PIGQ: variants seen among roughly 807,000 people sequenced by gnomAD.
The protein encoded by PIGQ is phosphatidylinositol glycan anchor biosynthesis class Q.
PIGQ carries 54 observed loss-of-function variants against 60.3 expected under a neutral mutation model. That is an observed-to-expected ratio of 0.90 (90% CI 0.72 to 1.12). The LOEUF is 1.12. Among genes scored for constraint, PIGQ ranks in the 50% most tolerant of loss-of-function variants. The pLI is 0.00. For missense variants in PIGQ, 799 were observed against 793.5 expected (o/e 1.01, Z -0.08); for synonymous variants, 416 against 363.7 (o/e 1.14, Z -1.64).
In PIGQ at chr16:583,547, G is replaced by A; in HGVS notation, c.*512G>A. On this transcript the variant is annotated 3_prime_UTR_variant, in exon 11 of 11. Transcript: ENST00000321878. ...CATCTGGGGGATTGAAGCAGTCGCTGACCCCCGTCCCCAGCGGGCCCGGGC... is the reference window on the plus strand; with the variant it reads ...CATCTGGGGGATTGAAGCAGTCGCTAACCCCCGTCCCCAGCGGGCCCGGGC... 6.2e-7 allele frequency: 1 copy of A among 1,612,440 alleles called. No individual in the cohort carries two copies. Among genetic ancestry groups the A allele is most frequent in the Non-Finnish European group, 8.5e-7 (1 of 1,179,664 alleles).
chr16:575,437 C>T (rs1447343184), intron 2 of PIGQ, among the ~76,000 whole-genome samples: 1 of 152,178 alleles, frequency 6.6e-6, no homozygotes, highest in African/African-American at 2.4e-5. Flanking sequence ...GCCTTAGACC[C>T]GGGGGTGCAT....
chr16:581,185 C>G, intron 9 of PIGQ: 2 of 1,438,126 alleles, frequency 1.4e-6, no homozygotes, highest in Non-Finnish European at 9.2e-7. Flanking sequence ...CTCAGAGACT[C>G]ACCTGCCGCG....
chr16:583,657 G>A lies in PIGQ; in HGVS notation c.*622G>A, dbSNP rs1433726878. The A allele has an allele frequency of 9.7e-5, 156 of 1,611,252 alleles. No individual in the cohort carries two copies. The highest frequency in any genetic ancestry group is 1.3e-4 in the Non-Finnish European group (154 of 1,179,466). On this transcript the variant is annotated 3_prime_UTR_variant, in exon 11 of 11. Transcript: ENST00000321878. ...TGAAGAAACCATCAGCAGGCTGTGA[G>A]CATCGCCAGGCTGCTGTGGGGGCGG...
chr16:582,507 C>T (rs986757111), intron 10 of PIGQ, 198 bp downstream of exon 10: 16 of 586,540 alleles, frequency 2.7e-5, no homozygotes, highest in South Asian at 2.0e-4. Flanking sequence ...TGGTGTGGTC[C>T]TGTGGATGGG....
At position 574,711 on chromosome 16, in the gene PIGQ, T is replaced by TGTCTGATGTTGGCCA. The variant is rs1567175070; in HGVS notation, c.638_639insTCTGATGTTGGCCAG (p.Leu214_Leu215insMetLeuAlaSerLeu). On this transcript the variant is annotated inframe_insertion, in exon 2 of 11. Coordinates refer to ENST00000321878, the MANE Select transcript of PIGQ (RefSeq NM_004204.5). ...GGCCAGGCGAGCCTCGGGACCCATT[T>TGTCTGATGTTGGCCA]GCCTGCTGTTGGCCAGCCTGCTGTC... 5.0e-6 allele frequency: 8 copies of TGTCTGATGTTGGCCA among 1,594,948 alleles called. No individual in the cohort carries two copies. The highest frequency in any genetic ancestry group is 6.8e-6 in the Non-Finnish European group (8 of 1,174,374).
chr16:576,575 G>A (rs756571512), intron 4 of PIGQ: 6 of 515,900 alleles, frequency 1.2e-5, no homozygotes, highest in African/African-American at 7.7e-5. Flanking sequence ...TGAGATCAGC[G>A]TTGCCCTCCT....
intron 1 of PIGQ, among the ~76,000 whole-genome samples, chr16:573,781 G>A (rs1467775859): frequency 6.6e-6 from 1 of 152,178 alleles, no homozygotes; most frequent in Non-Finnish European, 1.5e-5. Flanking sequence ...CTGGAAATGG[G>A]AGGGCAGGCC....
At position 574,173 on chromosome 16, in the gene PIGQ, G is replaced by A. The variant is rs1352012268; in HGVS notation, c.99G>A (p.Leu33=). The change falls in exon 2 of 11, where the codon CTG becomes CTA. Residue 33 remains leucine, a synonymous_variant. Coordinates refer to ENST00000321878, the MANE Select transcript of PIGQ (RefSeq NM_004204.5). ...CGGAGCAGAGCAGCGCCGTGGTCCT[G>A]GCGGTCCTGCACTTTCCCTTCATCC... is the stretch of plus-strand genomic sequence containing the variant. ...WVPEQSSAVV[L]AVLHFPFIPI... 1 of 1,612,608 alleles carries A rather than the reference G, an allele frequency of 6.2e-7. No individual in the cohort carries two copies. The highest frequency in any genetic ancestry group is 1.1e-5 in the South Asian group (1 of 91,072).
In PIGQ at chr16:578,839, T is replaced by C. The variant is rs765172492; in HGVS notation, c.1124T>C (p.Leu375Pro). The change falls in exon 6 of 11, where the codon CTC becomes CCC. Residue 375 changes from leucine to proline, a missense_variant. Transcript: ENST00000321878. ...GAGCACATCCTTTGGCACGTGGGCC[T>C]CTCGGCCTGCCTGGGCCTGACGGTG... ...FVEHILWHVG[L>P]SACLGLTVAL... 1 of 1,613,802 alleles carries C rather than the reference T, an allele frequency of 6.2e-7. No individual in the cohort carries two copies. Among genetic ancestry groups the C allele is most frequent in the Non-Finnish European group, 8.5e-7 (1 of 1,179,962 alleles).
chr16:572,420 G>A (rs1326369648), intron 1 of PIGQ: 3 of 431,502 alleles, frequency 7.0e-6, no homozygotes, highest in Non-Finnish European at 1.4e-5. Context: ...GCTGCCTGCA[G>A]GGGAGGAGAG....
Position 579,184 on chromosome 16 carries a change from T to G in PIGQ, c.1335+4T>G. 1 of 1,609,416 alleles carries G rather than the reference T, an allele frequency of 6.2e-7. No individual in the cohort carries two copies. Among genetic ancestry groups the G allele is most frequent in the East Asian group, 2.2e-5 (1 of 44,798 alleles). ...CTGTTCCTATGACCTGGACCAGGTA[T>G]GGGGCAGGGTTCGTGGCTGGAGGGG... On this transcript the variant is annotated splice_donor_region_variant and intron_variant, in intron 7 of 10. Transcript: ENST00000321878.
rs1288071771 is a variant in PIGQ at position 579,087 on chromosome 16, C to T, written c.1242C>T (p.Ile414=). The T allele has an allele frequency of 1.2e-6, 2 of 1,612,528 alleles. No homozygotes were observed. The highest frequency in any genetic ancestry group is 1.7e-6 in the Non-Finnish European group (2 of 1,179,712). The change falls in exon 7 of 11, where the codon ATC becomes ATT. Residue 414 remains isoleucine (I), a synonymous_variant. Transcript: ENST00000321878. ...VYGARLYCLK[I]HGLSSLWRLF... ...CCTGTAGGCTGTACTGCCTGAAGAT[C>T]CATGGCCTGTCCTCACTGTGGCGTC...
In PIGQ at chr16:578,428, C is replaced by T; in HGVS notation, c.992C>T (p.Pro331Leu). The change falls in exon 5 of 11, where the codon CCC (proline) becomes CTC (leucine). Residue 331 changes from proline to leucine, a missense_variant. Coordinates refer to ENST00000321878, the MANE Select transcript of PIGQ (RefSeq NM_004204.5). The stretch of plus-strand genomic sequence containing the variant: ...CTGCTGCAGTGGCTGATGGGTGCTC[C>T]CGCCGGGCTCAAGATGAACCGTGCA... ...QHLLQWLMGA[P>L]AGLKMNRALD... is the part of the protein sequence containing the mutation. 2 of 1,612,420 alleles carry T rather than the reference C, an allele frequency of 1.2e-6. No homozygotes were observed. The highest frequency in any genetic ancestry group is 1.7e-6 in the Non-Finnish European group (2 of 1,179,814).
intron 1 of PIGQ, among the ~76,000 whole-genome samples, chr16:573,450 C>T (rs1247573184): frequency 1.3e-5 from 2 of 152,190 alleles, no homozygotes; most frequent in African/African-American, 4.8e-5. Context: ...AGCAACGAGG[C>T]AGGTCCTTCC....
At chr16:579,204 G>C in intron 7 of PIGQ, 24 bp downstream of exon 7, 6 of 1,589,914 alleles carry the variant, frequency 3.8e-6, no homozygotes, top group Non-Finnish European at 5.2e-6. Flanking sequence ...TTCGTGGCTG[G>C]AGGGGCTGAC....
At chr16:582,554 G>T (rs2035830616) in intron 10 of PIGQ, 2 of 569,316 alleles carry the variant, frequency 3.5e-6, no homozygotes, top group Non-Finnish European at 6.2e-6. Flanking sequence ...CCCTTGGCTG[G>T]CTGGGGCTGC....
chr16:582,219 CCCT>C, intron 9 of PIGQ, 26 bp from the exon 10 acceptor site: 1 of 1,503,174 alleles, frequency 6.7e-7, no homozygotes, highest in Non-Finnish European at 9.0e-7. Context: ...CCCACGCGTC[CCCT>C]CGTCAGCCGC....
intron 4 of PIGQ, among the ~76,000 whole-genome samples, chr16:577,539 T>C (rs1432105343): frequency 1.3e-5 from 2 of 148,822 alleles, no homozygotes. Context: ...ATCTCACCAC[T>C]GCACTCCAGC....
In PIGQ at chr16:583,357, C is replaced by T. The variant is rs146792004; in HGVS notation, c.*322C>T. On this transcript the variant is annotated 3_prime_UTR_variant, in exon 11 of 11. Coordinates refer to ENST00000321878, the MANE Select transcript of PIGQ (RefSeq NM_004204.5). ...CACTGCCCCATGCCCACCCTGTGTACCCAGGTCCAGAGGGTCCGTCCACCA... is the reference window on the plus strand; with the variant it reads ...CACTGCCCCATGCCCACCCTGTGTATCCAGGTCCAGAGGGTCCGTCCACCA... The T allele has an allele frequency of 1.1e-4, 185 of 1,612,420 alleles. No homozygotes were observed. The highest frequency in any genetic ancestry group is 1.5e-4 in the Non-Finnish European group (182 of 1,179,776).
Sources: allele counts gnomAD v4.1 joint callset (sites outside exome capture counted in the v4.1 genomes callset), GRCh38; gene constraint gnomAD v4.1.1; transcripts MANE v1.5; gene names NCBI Gene and HGNC (gene_info 2026-07-23, HGNC 2026-07-21).